Variants in CNKSR2 observed in about 807,000 individuals in gnomAD.
The protein encoded by CNKSR2 is connector enhancer of kinase suppressor of Ras 2, also known as CNK homolog protein 2.
Under a neutral mutation model 84.4 loss-of-function variants are expected in CNKSR2, and 14 were observed. The ratio of observed to expected loss-of-function variants is 0.17; its 90% CI spans 0.11 to 0.26. The LOEUF (loss-of-function observed/expected upper bound fraction) is 0.26. Ranked by LOEUF, CNKSR2 falls within the 10% of genes least tolerant of loss-of-function variation. The pLI is 1.00. For missense variants in CNKSR2, 485 were observed against 771.2 expected (o/e 0.63, Z 4.40); for synonymous variants, 275 against 277.9 (o/e 0.99, Z 0.10).
At chrX:21,624,416 A>C (rs1220317098) in intron 20 of CNKSR2, among the ~76,000 whole-genome samples, 1 of 112,187 alleles carries the variant, frequency 8.9e-6, no homozygotes, top group Non-Finnish European at 1.9e-5. Flanking sequence ...AATTTTGCCT[A>C]CAAAATCATA....
chrX:21,653,778 G>C lies in CNKSR2; in HGVS notation c.*1257G>C, dbSNP rs754586918. The C allele has an allele frequency of 1.8e-5, 2 of 111,082 alleles. No individual in the cohort carries two copies. The highest frequency in any genetic ancestry group is 6.5e-5 in the African/African-American group (2 of 30,570). The allele number at this position is 111,082 out of a possible 1,213,427, so 9.2% of individuals were successfully genotyped here. ...AAGTGATCACAGCATGAAAATGACT[G>C]TGCTGCTTTTTAGTGTCTGGCTGCA... On this transcript the variant is annotated 3_prime_UTR_variant, in exon 22 of 22. Coordinates refer to ENST00000379510, the MANE Select transcript of CNKSR2 (RefSeq NM_014927.5).
chrX:21,501,241 T>C (rs1375457273), intron 7 of CNKSR2, among the ~76,000 whole-genome samples: 2 of 110,993 alleles, frequency 1.8e-5, no homozygotes, highest in Admixed American at 9.6e-5. Flanking sequence ...ATAATAAATA[T>C]CTATATATTA....
chrX:21,480,631 A>G (rs748647319), intron 5 of CNKSR2, among the ~76,000 whole-genome samples: 8 of 111,186 alleles, frequency 7.2e-5, no homozygotes, highest in South Asian at 3.8e-4. Flanking sequence ...AGCTTACTCT[A>G]TTTCCCTATC....
intron 11 of CNKSR2, 107 bp from the exon 12 acceptor site, chrX:21,561,364 G>T: frequency 3.3e-6 from 2 of 610,562 alleles, no homozygotes; most frequent in Non-Finnish European, 5.5e-6. Flanking sequence ...CCATAATGTT[G>T]CATAAGAGTG....
intron 6 of CNKSR2, among the ~76,000 whole-genome samples, chrX:21,496,327 T>C (rs2091499237): frequency 9.0e-6 from 1 of 111,684 alleles, no homozygotes; most frequent in Admixed American, 9.5e-5. Context: ...GATCAGTAAA[T>C]AATGGGGTAA....
chrX:21,518,453 C>T (rs1189203840), intron 9 of CNKSR2, among the ~76,000 whole-genome samples: 1 of 111,803 alleles, frequency 8.9e-6, no homozygotes, highest in Non-Finnish European at 1.9e-5. Context: ...GAGGGAATAT[C>T]TCTAGCACAT....
At chrX:21,489,091 A>G (rs747753145) in intron 5 of CNKSR2, among the ~76,000 whole-genome samples, 2 of 111,621 alleles carry the variant, frequency 1.8e-5, no homozygotes, top group African/African-American at 6.5e-5. Flanking sequence ...TCTGTTATCT[A>G]CTTCTAACCT....
At chrX:21,597,745 T>C (rs1475441446) in intron 17 of CNKSR2, among the ~76,000 whole-genome samples, 22 of 110,302 alleles carry the variant, frequency 2.0e-4, no homozygotes, top group Non-Finnish European at 1.9e-5. Context: ...GTTTGTTCTA[T>C]ATGTAATCTT....
intron 1 of CNKSR2, among the ~76,000 whole-genome samples, chrX:21,377,462 A>G (rs1200117531): frequency 1.8e-5 from 2 of 111,975 alleles, no homozygotes; most frequent in Non-Finnish European, 3.8e-5. Context: ...GCTAAACCTC[A>G]TTTAGTGTTG....
At chrX:21,451,822 C>T (rs904111716) in intron 4 of CNKSR2, among the ~76,000 whole-genome samples, 5 of 108,941 alleles carry the variant, frequency 4.6e-5, no homozygotes, top group Admixed American at 9.8e-5. Flanking sequence ...ACATTGTGCA[C>T]GTGTACCCTA....
At chrX:21,464,905 A>G (rs113509701) in intron 4 of CNKSR2, among the ~76,000 whole-genome samples, 4,420 of 112,186 alleles carry the variant, frequency 0.039, 214 homozygotes, top group African/African-American at 0.13. Flanking sequence ...CTTCAACCTA[A>G]CATTGGTAGC....
intron 4 of CNKSR2, 112 bp from the exon 5 acceptor site, chrX:21,470,654 G>T: frequency 5.6e-6 from 2 of 355,863 alleles, no homozygotes; most frequent in East Asian, 5.4e-5. Context: ...TGTTATTATT[G>T]CTTTTACTTG....
intron 13 of CNKSR2, 75 bp from the exon 14 acceptor site, chrX:21,590,497 A>T: frequency 1.1e-6 from 1 of 952,192 alleles, no homozygotes; most frequent in South Asian, 2.2e-5. Flanking sequence ...AGCTCTTGAG[A>T]GTTCTGTGTA....
intron 15 of CNKSR2, 129 bp from the exon 16 acceptor site, chrX:21,594,845 C>T (rs1040241703): frequency 1.3e-5 from 6 of 445,042 alleles, no homozygotes; most frequent in Non-Finnish European, 2.3e-5. Flanking sequence ...ATTCTTATCT[C>T]TAAAATGTCA....
chrX:21,408,250 T>C (rs2090290915), intron 1 of CNKSR2, among the ~76,000 whole-genome samples: 1 of 112,187 alleles, frequency 8.9e-6, no homozygotes, highest in Non-Finnish European at 1.9e-5. Context: ...TGCAGGAAAT[T>C]CCCATTAACC....
In CNKSR2 at chrX:21,561,453, T is replaced by G; in HGVS notation, c.1304-18T>G. On this transcript the variant is annotated intron_variant, in intron 11 of 21. Coordinates refer to ENST00000379510, the MANE Select transcript of CNKSR2 (RefSeq NM_014927.5). ...GGAAGAAAAACAATGTGATGTGAAC[T>G]TTGTTCTCTGTGTTTAGGCAAGCTA... The G allele has an allele frequency of 8.6e-7, 1 of 1,159,952 alleles. No homozygotes were observed. The highest frequency in any genetic ancestry group is 1.2e-6 in the Non-Finnish European group (1 of 849,993).
chrX:21,626,212 A>G (rs1012175627), intron 20 of CNKSR2, among the ~76,000 whole-genome samples: 2 of 102,359 alleles, frequency 2.0e-5, no homozygotes, highest in African/African-American at 7.3e-5. Flanking sequence ...TTTCACCAGG[A>G]GAAAAAGAAA....
intron 21 of CNKSR2, among the ~76,000 whole-genome samples, chrX:21,650,873 A>G (rs1472146028): frequency 8.9e-6 from 1 of 112,049 alleles, no homozygotes; most frequent in Non-Finnish European, 1.9e-5. Context: ...ATTTTTAGAG[A>G]GTGCTGTTAA....
intron 11 of CNKSR2, among the ~76,000 whole-genome samples, chrX:21,540,993 T>A (rs920768416): frequency 6.3e-5 from 7 of 110,774 alleles, no homozygotes; most frequent in Non-Finnish European, 1.3e-4. Context: ...TGGTTGTTTT[T>A]TTTTTTTGAG....
Sources: gnomAD v4.1 joint callset for allele counts (sites outside exome capture counted in the v4.1 genomes callset) on GRCh38, gnomAD v4.1.1 for gene constraint, MANE v1.5 for transcripts, NCBI Gene and HGNC (gene_info 2026-07-23, HGNC 2026-07-21) for gene names.